The following EFHC2 variants were observed in gnomAD, a reference collection of about 807,000 sequenced individuals.
The protein encoded by EFHC2 is EF-hand domain-containing family member C2.
EFHC2 carries 18 observed loss-of-function variants against 52.7 expected under a neutral mutation model. That is an observed-to-expected ratio of 0.34 (90% CI 0.24 to 0.51). EFHC2 has a LOEUF of 0.51. Ranked by LOEUF, EFHC2 falls within the 20% of genes least tolerant of loss-of-function variation. The probability of loss-of-function intolerance (pLI) is 0.97; values close to 1 mark genes in which losing one functional copy is unlikely to be tolerated. For synonymous variants in EFHC2, 203 were observed against 204.1 expected, an observed-to-expected ratio of 0.99 and a Z score of 0.04; for missense variants, 513 against 562.5, an observed-to-expected ratio of 0.91 and a Z score of 0.89.
chrX:44,168,072 G>A (rs2036711025), intron 13 of EFHC2, among the ~76,000 whole-genome samples: 1 of 111,719 alleles, frequency 9.0e-6, no homozygotes, highest in Non-Finnish European at 1.9e-5. Context: ...GCAGAGCTGA[G>A]GAAGAGAAGC....
chrX:44,207,384 G>A (rs2037056375), intron 11 of EFHC2, among the ~76,000 whole-genome samples: 1 of 111,150 alleles, frequency 9.0e-6, no homozygotes, highest in Admixed American at 9.6e-5. Context: ...GGTGGCATGT[G>A]CCTTTAATCC....
chrX:44,316,418 G>A (rs769270718), intron 1 of EFHC2, among the ~76,000 whole-genome samples: 1 of 112,399 alleles, frequency 8.9e-6, no homozygotes, highest in African/African-American at 3.2e-5. Flanking sequence ...TAGAATAGAA[G>A]CCAGTCACTA....
chrX:44,341,420 G>C, intron 1 of EFHC2, among the ~76,000 whole-genome samples: 1 of 112,435 alleles, frequency 8.9e-6, no homozygotes, highest in South Asian at 3.7e-4. Context: ...CCAGTCAAGG[G>C]TGGTATTTTT....
intron 2 of EFHC2, among the ~76,000 whole-genome samples, chrX:44,295,509 G>A (rs1180472425): frequency 9.0e-6 from 1 of 111,534 alleles, no homozygotes. Flanking sequence ...AAATATAGGT[G>A]GTCCCTAAGC....
At chrX:44,326,329 G>A (rs187881526) in intron 1 of EFHC2, among the ~76,000 whole-genome samples, 1 of 111,079 alleles carries the variant, frequency 9.0e-6, no homozygotes, top group East Asian at 2.8e-4. Flanking sequence ...AGCACTGTAG[G>A]ATGAATATGT....
intron 7 of EFHC2, among the ~76,000 whole-genome samples, chrX:44,245,883 G>A (rs2037396596): frequency 9.0e-6 from 1 of 111,543 alleles, no homozygotes; most frequent in African/African-American, 3.3e-5. Context: ...AAAGCACCAA[G>A]GCGGCGTACT....
At chrX:44,182,611 T>C (rs2036844097) in intron 11 of EFHC2, among the ~76,000 whole-genome samples, 1 of 112,156 alleles carries the variant, frequency 8.9e-6, no homozygotes, top group Non-Finnish European at 1.9e-5. Context: ...TAAAATGTCA[T>C]ACTGAACTTG....
At chrX:44,236,019 CTT>C (rs34288622) in intron 8 of EFHC2, among the ~76,000 whole-genome samples, 1 of 104,024 alleles carries the variant, frequency 9.6e-6, no homozygotes, top group African/African-American at 3.5e-5. Flanking sequence ...ATAGACCCAC[CTT>C]TTTTTTTTTT....
At chrX:44,273,947 G>A (rs1463958765) in intron 2 of EFHC2, among the ~76,000 whole-genome samples, 1 of 111,832 alleles carries the variant, frequency 8.9e-6, no homozygotes, top group Non-Finnish European at 1.9e-5. Context: ...TCTAGGGGTG[G>A]TGGTCAGTTA....
chrX:44,200,567 C>A (rs2036999229), intron 11 of EFHC2, among the ~76,000 whole-genome samples: 1 of 110,261 alleles, frequency 9.1e-6, no homozygotes, highest in Admixed American at 9.7e-5. Context: ...AAGGAAAATT[C>A]CAGAAATGTA....
chrX:44,249,366 A>G (rs1181826719), intron 5 of EFHC2, among the ~76,000 whole-genome samples: 1 of 111,737 alleles, frequency 8.9e-6, no homozygotes, highest in Non-Finnish European at 1.9e-5. Context: ...AAGAAAATAT[A>G]ACATAGAGCT....
At chrX:44,283,596 C>G (rs1333529836) in intron 2 of EFHC2, among the ~76,000 whole-genome samples, 1 of 95,067 alleles carries the variant, frequency 1.1e-5, no homozygotes, top group Non-Finnish European at 2.0e-5. Flanking sequence ...TTGGGACAGT[C>G]TTAGGAGTGC....
At position 44,251,238 on chromosome X, in the gene EFHC2, CAAAAAAAAAA is replaced by C. The variant is rs746850685; in HGVS notation, c.607-803_607-794del. Among the ~76,000 whole-genome samples, 3 of 18,313 alleles carry C rather than the reference CAAAAAAAAAA, an allele frequency of 1.6e-4. 1 individual carries two copies. Among genetic ancestry groups the C allele is most frequent in the African/African-American group, 1.4e-3 (3 of 2,141 alleles). The allele number at this position is 18,313 out of a possible 115,157, so 15.9% of individuals were successfully genotyped here. A position where few individuals can be genotyped will look rare whatever the true frequency, so the allele number is the denominator to read the frequency against. ...CGGGCGACAGAGTGAGACTCCATCTCAAAAAAAAAAAAAAAAAAAAAAAAAAAGAATAGAG... is the reference window on the plus strand; with the variant it reads ...CGGGCGACAGAGTGAGACTCCATCTCAAAAAAAAAAAAAAAAAGAATAGAG... On this transcript the variant is annotated intron_variant, in intron 4 of 14. Coordinates refer to ENST00000420999, the MANE Select transcript of EFHC2 (RefSeq NM_025184.4).
At chrX:44,243,499 T>G (rs1356365056) in intron 7 of EFHC2, among the ~76,000 whole-genome samples, 1 of 111,878 alleles carries the variant, frequency 8.9e-6, no homozygotes, top group African/African-American at 3.2e-5. Flanking sequence ...GGTTGTTTGG[T>G]TTTTGTTTTG....
At chrX:44,310,042 C>T in intron 2 of EFHC2, 1 of 884,540 alleles carries the variant, frequency 1.1e-6, no homozygotes, top group East Asian at 3.1e-5. Context: ...AATCGCTCCA[C>T]CAAATTTTCA....
At chrX:44,249,446 G>C (rs767443942) in intron 5 of EFHC2, among the ~76,000 whole-genome samples, 1 of 102,699 alleles carries the variant, frequency 9.7e-6, no homozygotes, top group African/African-American at 3.5e-5. Flanking sequence ...TGTTTTTTTG[G>C]TTTTTTTTTT....
intron 11 of EFHC2, among the ~76,000 whole-genome samples, chrX:44,208,688 A>G (rs1368133801): frequency 9.0e-6 from 1 of 111,728 alleles, no homozygotes; most frequent in African/African-American, 3.3e-5. Flanking sequence ...AATTCAACAC[A>G]ATTCCAATCA....
chrX:44,329,401 G>A lies in EFHC2; in HGVS notation c.42+14146C>T, dbSNP rs376015891. Among the ~76,000 whole-genome samples, 15 of 111,431 alleles carry A rather than the reference G, an allele frequency of 1.3e-4. No individual in the cohort carries two copies. In the East Asian group the frequency reaches 2.8e-3, roughly 21 times the overall value. On this transcript the variant is annotated intron_variant, in intron 1 of 14. Coordinates refer to ENST00000420999, the MANE Select transcript of EFHC2 (RefSeq NM_025184.4). ...GCAATGGCAGACGGATAGACACAGC[G>A]ACCAATGGAACAGAACAGACAACTC...
chrX:44,300,207 A>G (rs949929945), intron 2 of EFHC2, among the ~76,000 whole-genome samples: 9 of 112,034 alleles, frequency 8.0e-5, no homozygotes, highest in African/African-American at 2.9e-4. Context: ...CTAAAATTTA[A>G]GTCAACAAGT....
Sources: allele counts gnomAD v4.1 joint callset (sites outside exome capture counted in the v4.1 genomes callset), GRCh38; gene constraint gnomAD v4.1.1; transcripts MANE v1.5; gene names NCBI Gene and HGNC (gene_info 2026-07-23, HGNC 2026-07-21).